The following RNLS variants were observed in gnomAD, a reference collection of about 807,000 sequenced individuals.
RNLS encodes the protein renalase, FAD dependent amine oxidase.
RNLS carries 39 observed loss-of-function variants against 39.8 expected under a neutral mutation model. The observed-to-expected ratio is 0.98, with a 90% CI of 0.76 to 1.28. The LOEUF (loss-of-function observed/expected upper bound fraction) is 1.28. Ranked by LOEUF, RNLS falls within the 50% of genes most tolerant of loss-of-function variation. RNLS has a pLI of 0.00. For synonymous variants in RNLS, 147 were observed against 150.7 expected (o/e 0.98, Z 0.18); for missense variants, 410 against 413.3 (o/e 0.99, Z 0.07).
chr10:88,575,001 T>C (rs1020564189), intron 3 of RNLS, among the ~76,000 whole-genome samples: 2 of 151,520 alleles, frequency 1.3e-5, no homozygotes, highest in Non-Finnish European at 2.9e-5. Flanking sequence ...AACAATATGC[T>C]GTTATTGTTG....
chr10:88,287,787 A>T (rs1451640234), intron 6 of RNLS, among the ~76,000 whole-genome samples: 1 of 152,092 alleles, frequency 6.6e-6, no homozygotes, highest in Non-Finnish European at 1.5e-5. Context: ...ATCTCATGAA[A>T]ACTCACTCAC....
At chr10:88,429,856 G>C (rs1405372144) in intron 4 of RNLS, among the ~76,000 whole-genome samples, 1 of 151,758 alleles carries the variant, frequency 6.6e-6, no homozygotes, top group Non-Finnish European at 1.5e-5. Flanking sequence ...CTATATACAA[G>C]TGAAATGATT....
intron 3 of RNLS, among the ~76,000 whole-genome samples, chr10:88,575,171 CACACACACAT>C (rs1475242588): frequency 7.7e-5 from 10 of 129,492 alleles, no homozygotes; most frequent in African/African-American, 2.7e-4. Context: ...CACACACACA[CACACACACAT>C]ATTATATATA....
chr10:88,386,502 G>A (rs559657233), intron 4 of RNLS, among the ~76,000 whole-genome samples: 1 of 152,358 alleles, frequency 6.6e-6, no homozygotes, highest in Admixed American at 6.5e-5. Flanking sequence ...CAGTTTTTAA[G>A]TAGGTTTCAA....
At chr10:88,365,545 A>G (rs1850008354) in intron 4 of RNLS, among the ~76,000 whole-genome samples, 1 of 147,792 alleles carries the variant, frequency 6.8e-6, no homozygotes, top group African/African-American at 2.6e-5. Context: ...ACACACACAC[A>G]CACACACACA....
At chr10:88,265,479 T>C in the RNLS span, among the ~76,000 whole-genome samples, 10 of 152,238 alleles carry the variant, frequency 6.6e-5, no homozygotes, top group East Asian at 1.7e-3. Context: ...TATCCATCCA[T>C]GAGCATGGGA....
intron 4 of RNLS, among the ~76,000 whole-genome samples, chr10:88,495,263 T>A (rs1026600897): frequency 1.4e-4 from 22 of 152,138 alleles, no homozygotes; most frequent in Non-Finnish European, 2.2e-4. Flanking sequence ...AATATGAAAG[T>A]TATCTTTCTA....
At chr10:88,309,423 C>T (rs762515048) in intron 6 of RNLS, 31 of 1,289,712 alleles carry the variant, frequency 2.4e-5, no homozygotes, top group Middle Eastern at 2.1e-4. Flanking sequence ...TGTAAACGTA[C>T]GGGTGGTCTC....
rs559430167 is a variant in RNLS, at chr10:88,563,713, C to T, written c.526+9190G>A. Among the ~76,000 whole-genome samples the T allele has an allele frequency of 7.2e-5, 11 of 152,196 alleles. No individual in the cohort carries two copies. The South Asian group carries it at 2.3e-3, about 32-fold the overall frequency. On this transcript the variant is annotated intron_variant, in intron 4 of 6. Transcript: ENST00000331772. ...GAGTGGGATGGTATACAGGTCACCA[C>T]TGAGAAAGCAGTTATTGAGTATCCC...
At chr10:88,530,729 T>G (rs1005422343) in intron 4 of RNLS, among the ~76,000 whole-genome samples, 1 of 152,174 alleles carries the variant, frequency 6.6e-6, no homozygotes, top group Admixed American at 6.6e-5. Flanking sequence ...ATTCTCATAG[T>G]GACTGTATGT....
At chr10:88,243,514 C>T in the RNLS span, among the ~76,000 whole-genome samples, 1 of 152,198 alleles carries the variant, frequency 6.6e-6, no homozygotes, top group African/African-American at 2.4e-5. Context: ...AAGGCAAAGC[C>T]TTAGTCCTAT....
At chr10:88,182,004 T>C in the RNLS span, among the ~76,000 whole-genome samples, 40 of 152,268 alleles carry the variant, frequency 2.6e-4, 1 homozygote, top group Admixed American at 8.5e-4. Context: ...TGAAATGGAA[T>C]TTGCTTTGCT....
chr10:88,531,583 C>T (rs1353324981), intron 4 of RNLS, among the ~76,000 whole-genome samples: 1 of 151,978 alleles, frequency 6.6e-6, no homozygotes, highest in Non-Finnish European at 1.5e-5. Flanking sequence ...CTCAGCACCA[C>T]TCAATCATAG....
the RNLS span, among the ~76,000 whole-genome samples, chr10:88,267,029 G>A: frequency 6.6e-6 from 1 of 152,170 alleles, no homozygotes; most frequent in African/African-American, 2.4e-5. Context: ...TTGTCTCCCA[G>A]TGCAGGTGTC....
chr10:88,310,801 CAAAAAAAAAAAA>C (rs577838661), intron 6 of RNLS, among the ~76,000 whole-genome samples: 9 of 19,602 alleles, frequency 4.6e-4, no homozygotes, highest in African/African-American at 1.4e-3. Flanking sequence ...CTACCTCTGC[CAAAAAAAAAAAA>C]AAAAAAAAAA....
the RNLS span, among the ~76,000 whole-genome samples, chr10:88,218,549 G>A: frequency 7.2e-5 from 11 of 152,260 alleles, no homozygotes; most frequent in Middle Eastern, 3.4e-3. Context: ...CAGCTTGGAC[G>A]GCTGGCTGGG....
chr10:88,419,491 T>C (rs1353488898), intron 4 of RNLS, among the ~76,000 whole-genome samples: 3 of 152,244 alleles, frequency 2.0e-5, no homozygotes, highest in Non-Finnish European at 2.9e-5. Flanking sequence ...ACAAGACTGA[T>C]TCAATGTTTT....
chr10:88,253,510 A>G, the RNLS span, among the ~76,000 whole-genome samples: 1 of 152,186 alleles, frequency 6.6e-6, no homozygotes, highest in Non-Finnish European at 1.5e-5. Context: ...TTTCTATAGA[A>G]ACATTTCTAT....
the RNLS span, among the ~76,000 whole-genome samples, chr10:88,257,278 A>G: frequency 6.6e-6 from 1 of 152,244 alleles, no homozygotes; most frequent in East Asian, 1.9e-4. Flanking sequence ...AAATGATTGT[A>G]AAACAATTTT....
Sources: allele counts gnomAD v4.1 joint callset (sites outside exome capture counted in the v4.1 genomes callset), GRCh38; gene constraint gnomAD v4.1.1; transcripts MANE v1.5; gene names NCBI Gene and HGNC (gene_info 2026-07-23, HGNC 2026-07-21).